The following ADGRB3 variants were observed in gnomAD, a reference collection of about 807,000 sequenced individuals.
ADGRB3 encodes the protein adhesion G protein-coupled receptor B3.
Under a neutral mutation model 193.4 loss-of-function variants are expected in ADGRB3, and 37 were observed. The ratio of observed to expected loss-of-function variants is 0.19; its 90% CI spans 0.15 to 0.25. The LOEUF is 0.25. ADGRB3 is among the 10% of genes least tolerant of loss of function. The probability of loss-of-function intolerance (pLI) is 1.00; values close to 1 mark genes in which losing one functional copy is unlikely to be tolerated. For synonymous variants in ADGRB3, 690 were observed against 644.2 expected (o/e 1.07, Z -1.08); for missense variants, 1,637 against 1,852.9 (o/e 0.88, Z 2.14).
At chr6:68,821,802 A>T (rs1017487093) in intron 3 of ADGRB3, among the ~76,000 whole-genome samples, 3 of 151,950 alleles carry the variant, frequency 2.0e-5, no homozygotes, top group Admixed American at 2.0e-4. Context: ...GTATTTTATT[A>T]AGAAATAAAA....
chr6:69,385,605 A>T (rs1052232899), intron 31 of ADGRB3, among the ~76,000 whole-genome samples: 3 of 152,126 alleles, frequency 2.0e-5, no homozygotes, highest in African/African-American at 7.2e-5. Flanking sequence ...ACAAATATGC[A>T]TCTGTTTAAC....
intron 3 of ADGRB3, among the ~76,000 whole-genome samples, chr6:68,713,374 A>G (rs1765436584): frequency 6.6e-6 from 1 of 151,600 alleles, no homozygotes; most frequent in Non-Finnish European, 1.5e-5. Context: ...GATTTCCTGG[A>G]GTTGATGCTT....
intron 17 of ADGRB3, among the ~76,000 whole-genome samples, chr6:69,077,463 G>T (rs1415003927): frequency 3.3e-5 from 5 of 151,630 alleles, no homozygotes; most frequent in Non-Finnish European, 7.4e-5. Context: ...TTTTTTTACT[G>T]GGTAGAATCT....
chr6:68,993,942 C>T lies in ADGRB3; in HGVS notation c.1909C>T (p.Pro637Ser). ...CACATTTAAAAGGGCAAGTTACATC[C>T]CTGCATCTGATGGTGTCCAGGTAAG... ...TDTFKRASYI[P>S]ASDGVQNFFQ... Residue 637 changes from proline to serine, a missense_variant, in exon 11 of 32, where the codon CCT (proline) becomes TCT (serine). Coordinates refer to ENST00000370598, the MANE Select transcript of ADGRB3 (RefSeq NM_001704.3). 6.2e-7 allele frequency: 1 copy of T among 1,613,546 alleles called. No homozygotes were observed. Among genetic ancestry groups the T allele is most frequent in the Non-Finnish European group, 8.5e-7 (1 of 1,179,672 alleles).
Position 69,063,717 on chromosome 6 carries a change from C to G in ADGRB3, c.2436+681C>G, listed in dbSNP as rs78847245. Among the ~76,000 whole-genome samples, 49 of 152,016 alleles carry G rather than the reference C, an allele frequency of 3.2e-4. 1 individual carries two copies. The East Asian group carries it at 8.9e-3, about 28-fold the overall frequency. ...ATCTTTCATCTCAGAATGAAAAGAA[C>G]CCATTCTTAAATCTATCCAACTGCA... On this transcript the variant is annotated intron_variant, in intron 16 of 31. Coordinates refer to ENST00000370598, the MANE Select transcript of ADGRB3 (RefSeq NM_001704.3).
At chr6:69,077,349 A>G (rs562020419) in intron 17 of ADGRB3, among the ~76,000 whole-genome samples, 1 of 150,466 alleles carries the variant, frequency 6.6e-6, no homozygotes, top group Non-Finnish European at 1.5e-5. Context: ...AATCTAGTTG[A>G]ATGTTTTCGG....
intron 13 of ADGRB3, among the ~76,000 whole-genome samples, chr6:69,042,308 G>A (rs1264953650): frequency 1.2e-4 from 18 of 152,284 alleles, no homozygotes; most frequent in Non-Finnish European, 1.2e-4. Context: ...GATATCGTGT[G>A]TAAAGCATTT....
intron 17 of ADGRB3, among the ~76,000 whole-genome samples, chr6:69,115,354 C>A (rs899041072): frequency 1.3e-5 from 2 of 151,986 alleles, no homozygotes; most frequent in African/African-American, 4.8e-5. Flanking sequence ...AACAGAAAAA[C>A]AAACACCGCA....
At chr6:68,688,187 C>G (rs1188272345) in intron 3 of ADGRB3, among the ~76,000 whole-genome samples, 1 of 152,096 alleles carries the variant, frequency 6.6e-6, no homozygotes, top group Admixed American at 6.6e-5. Flanking sequence ...CCAACCCCAT[C>G]ATTCTGCAGA....
At chr6:69,359,805 T>C (rs917415159) in intron 28 of ADGRB3, among the ~76,000 whole-genome samples, 2 of 151,924 alleles carry the variant, frequency 1.3e-5, no homozygotes, top group Admixed American at 1.3e-4. Flanking sequence ...GATGTGCATG[T>C]TGAACCAACT....
chr6:68,865,709 C>A (rs1186675142), intron 3 of ADGRB3, among the ~76,000 whole-genome samples: 1 of 152,134 alleles, frequency 6.6e-6, no homozygotes, highest in African/African-American at 2.4e-5. Context: ...GAAACTCATT[C>A]ATTTTCCTGT....
rs113306696 is a variant in ADGRB3 at position 68,842,287 on chromosome 6, A to G, written c.758-88272A>G. Among the ~76,000 whole-genome samples, 464 of 152,062 alleles carry G rather than the reference A, an allele frequency of 3.1e-3. 1 individual carries two copies. The highest frequency in any genetic ancestry group is 4.8e-3 in the Non-Finnish European group (328 of 67,872). ...AATTGACAAACTTTTAGCCAGGCTA[A>G]CTAAAAAAAATCCAAATAAATAAAA... is the stretch of plus-strand genomic sequence containing the variant. On this transcript the variant is annotated intron_variant, in intron 3 of 31. Coordinates refer to ENST00000370598, the MANE Select transcript of ADGRB3 (RefSeq NM_001704.3).
intron 11 of ADGRB3, among the ~76,000 whole-genome samples, chr6:68,998,823 G>A (rs1224897168): frequency 6.6e-6 from 1 of 152,228 alleles, no homozygotes; most frequent in Non-Finnish European, 1.5e-5. Context: ...AAGAGGTGGT[G>A]CAGAGGCTTT....
At chr6:68,999,266 CTT>C (rs35115621) in intron 11 of ADGRB3, among the ~76,000 whole-genome samples, 116 of 133,094 alleles carry the variant, frequency 8.7e-4, no homozygotes, top group Middle Eastern at 4.0e-3. Context: ...TTTCCCTTTT[CTT>C]TTTTTTTTTT....
chr6:68,939,150 A>C (rs933714323), intron 5 of ADGRB3, among the ~76,000 whole-genome samples: 1 of 152,136 alleles, frequency 6.6e-6, no homozygotes, highest in African/African-American at 2.4e-5. Context: ...AGAACTGCCA[A>C]ATCCACCTTT....
chr6:69,235,166 A>G, intron 19 of ADGRB3, 31 bp downstream of exon 19: 1 of 1,457,980 alleles, frequency 6.9e-7, no homozygotes, highest in Non-Finnish European at 9.6e-7. Context: ...CCTGAAATGC[A>G]ATGCTTAGTT....
intron 3 of ADGRB3, among the ~76,000 whole-genome samples, chr6:68,914,011 C>T (rs367721922): frequency 7.9e-5 from 12 of 151,140 alleles, no homozygotes; most frequent in South Asian, 4.2e-4. Context: ...TAAAAAGAAA[C>T]GAACAAAGCC....
chr6:68,764,720 A>G (rs1766475134), intron 3 of ADGRB3, among the ~76,000 whole-genome samples: 1 of 152,184 alleles, frequency 6.6e-6, no homozygotes, highest in Admixed American at 6.5e-5. Context: ...CCTCATGTCA[A>G]AAATTTCTCA....
chr6:69,349,344 A>T (rs1452229423), intron 26 of ADGRB3, among the ~76,000 whole-genome samples: 5 of 152,338 alleles, frequency 3.3e-5, no homozygotes, highest in African/African-American at 7.2e-5. Flanking sequence ...ACAATTTTAG[A>T]GATTAAGTGA....
Sources: gnomAD v4.1 joint callset for allele counts (sites outside exome capture counted in the v4.1 genomes callset) on GRCh38, gnomAD v4.1.1 for gene constraint, MANE v1.5 for transcripts, NCBI Gene and HGNC (gene_info 2026-07-23, HGNC 2026-07-21) for gene names.